Variants in KIAA1549L observed in about 807,000 individuals in gnomAD.
KIAA1549L encodes the protein KIAA1549 like.
In KIAA1549L, 88 loss-of-function variants were observed where a neutral mutation model predicts 160.7. That is an observed-to-expected ratio of 0.55 (90% CI 0.46 to 0.65). KIAA1549L has a LOEUF of 0.65. KIAA1549L is among the 30% of genes least tolerant of loss of function. KIAA1549L has a pLI of 0.00. For missense variants in KIAA1549L, 2,258 were observed against 2,437.5 expected, an observed-to-expected ratio of 0.93 and a Z score of 1.55; for synonymous variants, 950 against 976.7, an observed-to-expected ratio of 0.97 and a Z score of 0.51.
chr11:33,496,982 G>C, intron 1 of KIAA1549L, among the ~76,000 whole-genome samples: 1 of 152,014 alleles, frequency 6.6e-6, no homozygotes, highest in East Asian at 1.9e-4. Context: ...CCTTGCAACT[G>C]GTATTCTTTC....
intron 1 of KIAA1549L, among the ~76,000 whole-genome samples, chr11:33,522,360 T>C (rs1853516028): frequency 6.6e-6 from 1 of 152,188 alleles, no homozygotes; most frequent in Non-Finnish European, 1.5e-5. Flanking sequence ...TCATCGAATA[T>C]GGAATTAAGA....
At chr11:33,612,548 C>T (rs1009090392) in intron 15 of KIAA1549L, among the ~76,000 whole-genome samples, 2 of 152,004 alleles carry the variant, frequency 1.3e-5, no homozygotes, top group Non-Finnish European at 2.9e-5. Context: ...TGAGCCACTG[C>T]GCCCAGCCAA....
intron 1 of KIAA1549L, among the ~76,000 whole-genome samples, chr11:33,468,072 A>G (rs1018651314): frequency 3.3e-5 from 5 of 152,322 alleles, no homozygotes; most frequent in Admixed American, 3.3e-4. Flanking sequence ...CCATCATTAT[A>G]AATAGCTGGG....
intron 1 of KIAA1549L, among the ~76,000 whole-genome samples, chr11:33,499,342 C>A (rs1002387177): frequency 6.6e-5 from 10 of 152,170 alleles, no homozygotes; most frequent in African/African-American, 2.4e-4. Flanking sequence ...ACTAACTAGA[C>A]TTGTGTACAA....
At chr11:33,463,487 T>A (rs1291187045) in intron 1 of KIAA1549L, among the ~76,000 whole-genome samples, 1 of 152,130 alleles carries the variant, frequency 6.6e-6, no homozygotes, top group Non-Finnish European at 1.5e-5. Context: ...AATACCAACG[T>A]CTTGGGTGAG....
intron 1 of KIAA1549L, among the ~76,000 whole-genome samples, chr11:33,409,993 T>C (rs1490552914): frequency 6.6e-6 from 1 of 152,226 alleles, no homozygotes; most frequent in Non-Finnish European, 1.5e-5. Flanking sequence ...CTGACGTTTC[T>C]CTGTGTCTGT....
chr11:33,514,395 C>T (rs1453972359), intron 1 of KIAA1549L, among the ~76,000 whole-genome samples: 1 of 152,212 alleles, frequency 6.6e-6, no homozygotes. Context: ...TTTTTGACGT[C>T]TACACTGACT....
chr11:33,414,609 T>C (rs1850851635), intron 1 of KIAA1549L, among the ~76,000 whole-genome samples: 1 of 152,194 alleles, frequency 6.6e-6, no homozygotes, highest in Non-Finnish European at 1.5e-5. Context: ...ATATGGGCAA[T>C]GTAGCAGGGA....
At chr11:33,469,509 T>TA (rs1482776830) in intron 1 of KIAA1549L, among the ~76,000 whole-genome samples, 3 of 152,210 alleles carry the variant, frequency 2.0e-5, no homozygotes, top group Non-Finnish European at 2.9e-5. Flanking sequence ...TGTGTGGACA[T>TA]ACGTTTTTGG....
rs1318330148 is a variant in KIAA1549L at position 33,645,973 on chromosome 11, G to A, written c.5697G>A (p.Arg1899=). 1 of 1,611,572 alleles carries A rather than the reference G, an allele frequency of 6.2e-7. No homozygotes were observed. Among genetic ancestry groups the A allele is most frequent in the East Asian group, 2.2e-5 (1 of 44,762 alleles). Residue 1899 remains arginine, a synonymous_variant, in exon 17 of 21, where the codon AGG becomes AGA. Coordinates refer to ENST00000658780, the MANE Select transcript of KIAA1549L (RefSeq NM_012194.3). ...TSAPGTMTRP[R]AGVQWVPTYR... ...CTCCGGGGACCATGACGCGGCCCAG[G>A]GCCGGGGTGCAGTGGGTGCCGACCT...
chr11:33,543,619 G>A lies in KIAA1549L; in HGVS notation c.2056G>A (p.Asp686Asn). ...MDVYDSLTIGDMKKPATTDVF... is the reference protein window; with the variant it reads ...MDVYDSLTIGNMKKPATTDVF... ...TGTATATGATTCCTTAACAATAGGA[G>A]ACATGAAAAAGCCAGCAACCACAGA... is the stretch of plus-strand genomic sequence containing the variant. The change falls in exon 2 of 21, where the codon GAC becomes AAC. Residue 686 changes from aspartate to asparagine, a missense_variant. Asp to Asn is a conservative substitution (Grantham distance 23, BLOSUM62 1). Transcript: ENST00000658780. 1 of 1,613,912 alleles carries A rather than the reference G, an allele frequency of 6.2e-7. No homozygotes were observed. Among genetic ancestry groups the A allele is most frequent in the African/African-American group, 1.3e-5 (1 of 75,044 alleles).
At position 33,669,386 on chromosome 11, in the gene KIAA1549L, C is replaced by T. The variant is rs932389241; in HGVS notation, c.*1232C>T. On this transcript the variant is annotated 3_prime_UTR_variant, in exon 21 of 21. Coordinates refer to ENST00000658780, the MANE Select transcript of KIAA1549L (RefSeq NM_012194.3). ...TTCCAGAGCTGTGGGTAGAGGACAT[C>T]GCCTCACGGCACTGAGGCACCAGCC... The T allele has an allele frequency of 2.6e-5, 4 of 152,188 alleles. No homozygotes were observed. The highest frequency in any genetic ancestry group is 2.0e-4 in the Admixed American group (3 of 15,274). 9.4% of individuals were successfully genotyped at this position (152,188 alleles called of 1,614,324 possible).
rs368484915 is a variant in KIAA1549L at position 33,552,129 on chromosome 11, C to A, written c.3743C>A (p.Ala1248Glu). The change falls in exon 6 of 21, where the codon GCG (alanine) becomes GAG (glutamate). Residue 1248 changes from alanine to glutamate, a missense_variant. Physicochemically the swap from Ala to Glu is moderately radical, Grantham distance 107. Transcript: ENST00000658780. ...CTAGTGCTGCAGTTTGTGAGCCAAGCGGACAACATACAGTCCTGCAAGTTT... is the reference window on the plus strand; with the variant it reads ...CTAGTGCTGCAGTTTGTGAGCCAAGAGGACAACATACAGTCCTGCAAGTTT... ...LKTVLQFVSQADNIQSCKFAQ... is the reference protein window; with the variant it reads ...LKTVLQFVSQEDNIQSCKFAQ... 1 of 1,613,400 alleles carries A rather than the reference C, an allele frequency of 6.2e-7. No homozygotes were observed. Among genetic ancestry groups the A allele is most frequent in the Non-Finnish European group, 8.5e-7 (1 of 1,179,668 alleles).
chr11:33,451,493 T>C (rs1169823436), intron 1 of KIAA1549L, among the ~76,000 whole-genome samples: 6 of 152,252 alleles, frequency 3.9e-5, no homozygotes, highest in Non-Finnish European at 5.9e-5. Context: ...CATTTCTCCC[T>C]ACATTATTTC....
At chr11:33,478,283 T>G (rs528091416) in intron 1 of KIAA1549L, among the ~76,000 whole-genome samples, 1 of 152,378 alleles carries the variant, frequency 6.6e-6, no homozygotes, top group South Asian at 2.1e-4. Context: ...GAGGCAAGTT[T>G]TGTTCTAGCC....
chr11:33,435,802 ATATATATATG>A (rs1482804343), intron 1 of KIAA1549L, among the ~76,000 whole-genome samples: 5 of 16,478 alleles, frequency 3.0e-4, no homozygotes, highest in African/African-American at 2.0e-3. Context: ...ATATATATAT[ATATATATATG>A]TGTGTGTATA....
At chr11:33,625,745 A>G (rs1851091118) in intron 16 of KIAA1549L, among the ~76,000 whole-genome samples, 1 of 152,204 alleles carries the variant, frequency 6.6e-6, no homozygotes, top group Non-Finnish European at 1.5e-5. Context: ...TTTGCTGTGC[A>G]GAAGCTCTTT....
chr11:33,476,083 G>A (rs954746033), intron 1 of KIAA1549L, among the ~76,000 whole-genome samples: 4 of 152,228 alleles, frequency 2.6e-5, no homozygotes, highest in African/African-American at 4.8e-5. Context: ...GCAATAGCCC[G>A]TGGGAGAGAC....
Position 33,544,197 on chromosome 11 carries a change from A to C in KIAA1549L, c.2634A>C (p.Ser878=), listed in dbSNP as rs1323197713. The stretch of plus-strand genomic sequence containing the variant: ...AAATTTCCAGTGACATCAATTCATC[A>C]CCTGAGAGAAATGCTTCCACACCAT... ...GSEISSDINS[S]PERNASTPFQ... The change falls in exon 2 of 21, where the codon TCA becomes TCC. Residue 878 remains serine, a synonymous_variant. Coordinates refer to ENST00000658780, the MANE Select transcript of KIAA1549L (RefSeq NM_012194.3). The C allele has an allele frequency of 6.2e-7, 1 of 1,613,984 alleles. No homozygotes were observed. The highest frequency in any genetic ancestry group is 8.5e-7 in the Non-Finnish European group (1 of 1,179,892).
Sources: gnomAD v4.1 joint callset for allele counts (sites outside exome capture counted in the v4.1 genomes callset) on GRCh38, gnomAD v4.1.1 for gene constraint, MANE v1.5 for transcripts, NCBI Gene and HGNC (gene_info 2026-07-23, HGNC 2026-07-21) for gene names.